Variants in WDFY4 observed in about 807,000 individuals in gnomAD.
The protein encoded by WDFY4 is WDFY family member 4.
In WDFY4, 169 loss-of-function variants were observed where a neutral mutation model predicts 351.9. That is an observed-to-expected ratio of 0.48 (90% CI 0.42 to 0.55). The LOEUF (loss-of-function observed/expected upper bound fraction) is 0.55, where lower values mean the gene tolerates loss of function less well. Among genes scored for constraint, WDFY4 ranks in the 20% least tolerant of loss-of-function variants. The probability of loss-of-function intolerance (pLI) is 0.00; values close to 1 mark genes in which losing one functional copy is unlikely to be tolerated. For missense variants in WDFY4, 3,803 were observed against 3,935.6 expected, an observed-to-expected ratio of 0.97 and a Z score of 0.90; for synonymous variants, 1,622 against 1,574.6, an observed-to-expected ratio of 1.03 and a Z score of -0.71.
chr10:48,913,864 G>A (rs376179447), intron 47 of WDFY4: 44 of 1,614,022 alleles, frequency 2.7e-5, no homozygotes, highest in Non-Finnish European at 3.5e-5. Context: ...AGGTAGAGCA[G>A]GCTGGTCATC....
rs1194858447 is a variant in WDFY4, at chr10:48,727,516, G to A, written c.828G>A (p.Thr276=). 9 of 1,551,740 alleles carry A rather than the reference G, an allele frequency of 5.8e-6. No homozygotes were observed. Among genetic ancestry groups the A allele is most frequent in the Non-Finnish European group, 6.1e-6 (7 of 1,146,988 alleles). The change falls in exon 7 of 62, where the codon ACG becomes ACA. Residue 276 remains threonine, a synonymous_variant. Coordinates refer to ENST00000325239, the MANE Select transcript of WDFY4 (RefSeq NM_001394531.1). ...CCCTCCAGAACCTCTCCAGGCTCAC[G>A]GACACTCTCCCTGCCCCTGAAGTGA... The part of the protein sequence containing the change: ...RLSLQNLSRL[T]DTLPAPEVSE...
chr10:48,871,202 T>G (rs2069765721), intron 40 of WDFY4, among the ~76,000 whole-genome samples: 1 of 152,318 alleles, frequency 6.6e-6, no homozygotes, highest in East Asian at 1.9e-4. Flanking sequence ...CCCAAAGTGC[T>G]GGGATTACAG....
intron 39 of WDFY4, among the ~76,000 whole-genome samples, chr10:48,862,915 C>G (rs1209869144): frequency 6.6e-6 from 1 of 152,146 alleles, no homozygotes; most frequent in East Asian, 1.9e-4. Context: ...AATATACTTT[C>G]TCTATAAACA....
chr10:48,822,174 A>G (rs2067846376), intron 34 of WDFY4, among the ~76,000 whole-genome samples: 1 of 152,194 alleles, frequency 6.6e-6, no homozygotes, highest in Admixed American at 6.5e-5. Flanking sequence ...CACTTGGTTT[A>G]TGTCGCTGAC....
At chr10:48,797,137 G>A (rs2066903085) in intron 24 of WDFY4, among the ~76,000 whole-genome samples, 1 of 152,222 alleles carries the variant, frequency 6.6e-6, no homozygotes, top group African/African-American at 2.4e-5. Context: ...AATTCAGGGG[G>A]AAAATAACCT....
chr10:48,856,743 G>T (rs751881420), intron 39 of WDFY4, among the ~76,000 whole-genome samples: 7 of 152,128 alleles, frequency 4.6e-5, no homozygotes, highest in Admixed American at 3.9e-4. Context: ...TTTGTAACAT[G>T]CATTAGAACA....
At chr10:48,777,644 G>A (rs946902063) in intron 17 of WDFY4, 149 bp downstream of exon 17, 2 of 790,662 alleles carry the variant, frequency 2.5e-6, no homozygotes, top group Non-Finnish European at 4.1e-6. Context: ...CTGCAATTTG[G>A]GAGGCCAAGA....
intron 42 of WDFY4, among the ~76,000 whole-genome samples, chr10:48,875,855 T>A (rs1426965170): frequency 1.3e-5 from 2 of 152,016 alleles, no homozygotes; most frequent in Non-Finnish European, 2.9e-5. Flanking sequence ...TGATTTGGGG[T>A]CTTATTGTGG....
intron 57 of WDFY4, among the ~76,000 whole-genome samples, chr10:48,974,594 G>T (rs1842485428): frequency 7.0e-6 from 1 of 143,118 alleles, no homozygotes; most frequent in Non-Finnish European, 1.5e-5. Context: ...ACATCCAGGT[G>T]TGGCTAGCCT....
At chr10:48,763,722 G>T (rs950098632) in intron 13 of WDFY4, among the ~76,000 whole-genome samples, 3 of 152,144 alleles carry the variant, frequency 2.0e-5, no homozygotes, top group Admixed American at 6.5e-5. Flanking sequence ...CTATATTCAG[G>T]TCACAATAAG....
At chr10:48,949,640 TGA>T (rs1326245629) in intron 51 of WDFY4, among the ~76,000 whole-genome samples, 1 of 151,468 alleles carries the variant, frequency 6.6e-6, no homozygotes, top group Non-Finnish European at 1.5e-5. Flanking sequence ...TGGGGAAGAG[TGA>T]GAGACGTGGG....
At chr10:48,935,383 G>A (rs145272179) in intron 47 of WDFY4, among the ~76,000 whole-genome samples, 67 of 152,364 alleles carry the variant, frequency 4.4e-4, no homozygotes, top group African/African-American at 1.5e-3. Flanking sequence ...CACCCCCTGT[G>A]ATTCCTGCAG....
intron 41 of WDFY4, among the ~76,000 whole-genome samples, chr10:48,874,639 A>G (rs2069921906): frequency 6.6e-6 from 1 of 152,106 alleles, no homozygotes; most frequent in Non-Finnish European, 1.5e-5. Flanking sequence ...ATTTTTTAGG[A>G]ATAGGAAGCA....
intron 54 of WDFY4, 58 bp downstream of exon 54, chr10:48,964,112 A>T: frequency 6.6e-7 from 1 of 1,522,650 alleles, no homozygotes; most frequent in Non-Finnish European, 8.9e-7. Flanking sequence ...CAGTGTGAGG[A>T]CATTCTCTCC....
chr10:48,912,936 C>T (rs114375666), intron 47 of WDFY4, among the ~76,000 whole-genome samples: 2,489 of 152,360 alleles, frequency 0.016, 70 homozygotes, highest in African/African-American at 0.055. Context: ...TGCTCATCTA[C>T]TTTCTTACAA....
At chr10:48,688,678 G>C (rs2063117646) in intron 1 of WDFY4, among the ~76,000 whole-genome samples, 1 of 152,170 alleles carries the variant, frequency 6.6e-6, no homozygotes, top group Non-Finnish European at 1.5e-5. Context: ...GAGACCAAAG[G>C]AAGAAGCAAG....
intron 59 of WDFY4, among the ~76,000 whole-genome samples, chr10:48,977,613 G>GAATTCTC (rs1842632122): frequency 6.6e-6 from 1 of 152,234 alleles, no homozygotes; most frequent in African/African-American, 2.4e-5. Context: ...GCCCACATCA[G>GAATTCTC]TGGGCCAGCC....
At chr10:48,806,191 G>GTTC (rs2067249598) in intron 27 of WDFY4, 96 bp downstream of exon 27, 2 of 1,277,868 alleles carry the variant, frequency 1.6e-6, no homozygotes, top group South Asian at 2.5e-5. Flanking sequence ...AAGTAAGGAA[G>GTTC]GGGAAGGCAC....
At chr10:48,726,649 T>C (rs1289541174) in intron 6 of WDFY4, among the ~76,000 whole-genome samples, 3 of 152,176 alleles carry the variant, frequency 2.0e-5, no homozygotes, top group African/African-American at 7.2e-5. Flanking sequence ...ACCATTGGGG[T>C]GCCTCAGTTC....
Sources: gnomAD v4.1 joint callset for allele counts (sites outside exome capture counted in the v4.1 genomes callset) on GRCh38, gnomAD v4.1.1 for gene constraint, MANE v1.5 for transcripts, NCBI Gene and HGNC (gene_info 2026-07-23, HGNC 2026-07-21) for gene names.